The following ATAD2 variants were observed in gnomAD, a reference collection of about 807,000 sequenced individuals.
ATAD2 encodes ATPase family AAA domain containing 2, also known as ATPase family AAA domain-containing protein 2.
In ATAD2, 62 loss-of-function variants were observed where a neutral mutation model predicts 168.9. The ratio of observed to expected loss-of-function variants is 0.37; its 90% CI spans 0.30 to 0.45. ATAD2 has a LOEUF of 0.45. Ranked by LOEUF, ATAD2 falls within the 20% of genes least tolerant of loss-of-function variation. ATAD2 has a pLI of 1.00. For synonymous variants in ATAD2, 613 were observed against 571.6 expected (o/e 1.07, Z -1.03); for missense variants, 1,419 against 1,667.8 (o/e 0.85, Z 2.60).
At chr8:123,397,430 T>C (rs980201830), upstream of ATAD2, among the ~76,000 whole-genome samples, 1 of 152,180 alleles carries the variant, frequency 6.6e-6, no homozygotes, top group African/African-American at 2.4e-5. Context: ...GAGCCGTGCT[T>C]GCACATAATA....
intron 27 of ATAD2, among the ~76,000 whole-genome samples, chr8:123,321,586 G>A (rs751397675): frequency 2.0e-5 from 3 of 151,810 alleles, no homozygotes; most frequent in Non-Finnish European, 4.4e-5. Flanking sequence ...GCATATGTAA[G>A]TAATATCTTT....
At chr8:123,335,802 C>T (rs1250631719) in intron 22 of ATAD2, among the ~76,000 whole-genome samples, 2 of 151,930 alleles carry the variant, frequency 1.3e-5, no homozygotes, top group Non-Finnish European at 2.9e-5. Flanking sequence ...ATTGTACCCA[C>T]TAAATTTTAT....
At chr8:123,321,939 T>G (rs1178754121) in intron 27 of ATAD2, among the ~76,000 whole-genome samples, 1 of 151,776 alleles carries the variant, frequency 6.6e-6, no homozygotes, top group African/African-American at 2.4e-5. Flanking sequence ...ATTAATGCTC[T>G]AATTAACACT....
chr8:123,409,905 C>T (rs1813127125), intron 1 of ATAD2, among the ~76,000 whole-genome samples: 2 of 137,048 alleles, frequency 1.5e-5, no homozygotes, highest in Non-Finnish European at 3.0e-5. Context: ...CACTAGACTC[C>T]AGCCTGGGTG....
intron 17 of ATAD2, 89 bp downstream of exon 17, chr8:123,346,529 G>A (rs1404924602): frequency 5.6e-6 from 7 of 1,255,540 alleles, no homozygotes; most frequent in Non-Finnish European, 6.4e-6. Flanking sequence ...AAGCAGATTG[G>A]TTAGCACTTT....
intron 8 of ATAD2, 41 bp from the exon 9 acceptor site, chr8:123,361,687 C>T (rs1455485357): frequency 2.6e-6 from 4 of 1,511,906 alleles, no homozygotes; most frequent in Non-Finnish European, 3.6e-6. Context: ...TAAGGAAGGG[C>T]AGGAAAAAGA....
rs1335114836 is a variant in ATAD2 at position 123,377,091 on chromosome 8, C to A, written c.320+3438G>T. ...GGGCAAAAAGAGTGAGACTCCGTCT[C>A]AAAAAAAAAAAAAAAAAAAAAGAGC... On this transcript the variant is annotated intron_variant, in intron 2 of 27. Transcript: ENST00000287394. Among the ~76,000 whole-genome samples, 60 of 27,250 alleles carry A rather than the reference C, an allele frequency of 2.2e-3. 1 individual carries two copies. The highest frequency in any genetic ancestry group is 8.6e-3 in the African/African-American group (50 of 5,798). 17.9% of individuals were successfully genotyped at this position (27,250 alleles called of 152,430 possible).
At chr8:123,373,623 C>T (rs1829215680) in intron 2 of ATAD2, among the ~76,000 whole-genome samples, 1 of 151,772 alleles carries the variant, frequency 6.6e-6, no homozygotes, top group Non-Finnish European at 1.5e-5. Context: ...CCCGTCTCTA[C>T]TACAAATACA....
chr8:123,363,526 C>A (rs989880210), intron 8 of ATAD2, among the ~76,000 whole-genome samples: 37 of 152,154 alleles, frequency 2.4e-4, no homozygotes, highest in African/African-American at 8.2e-4. Context: ...TAATCTTTCA[C>A]CCATCCACCT....
chr8:123,377,970 T>C (rs540725507), intron 2 of ATAD2, among the ~76,000 whole-genome samples: 4 of 152,346 alleles, frequency 2.6e-5, no homozygotes, highest in South Asian at 4.1e-4. Flanking sequence ...CCTAAAATGC[T>C]TATTTTTTTC....
At chr8:123,366,645 T>G (rs971752805) in intron 8 of ATAD2, among the ~76,000 whole-genome samples, 2 of 152,210 alleles carry the variant, frequency 1.3e-5, no homozygotes, top group Non-Finnish European at 2.9e-5. Flanking sequence ...AAACATCGTA[T>G]GTTCCATGTG....
chr8:123,320,273 A>G lies in ATAD2; in HGVS notation c.*861T>C, dbSNP rs2131263413. On this transcript the variant is annotated 3_prime_UTR_variant, in exon 28 of 28. Coordinates refer to ENST00000287394, the MANE Select transcript of ATAD2 (RefSeq NM_014109.4). The stretch of plus-strand genomic sequence containing the variant: ...CTCCCCAAAAGCAAGTATGCATGGA[A>G]GTGCATGCTTTTAACCTTAAGAAAT... The G allele has an allele frequency of 6.6e-6, 1 of 152,106 alleles. No individual in the cohort carries two copies. The highest frequency in any genetic ancestry group is 1.5e-5 in the Non-Finnish European group (1 of 67,966). 9.4% of individuals were successfully genotyped at this position (152,106 alleles called of 1,614,324 possible).
chr8:123,361,413 A>G (rs1405553568), intron 9 of ATAD2, 126 bp downstream of exon 9: 11 of 622,024 alleles, frequency 1.8e-5, no homozygotes, highest in Non-Finnish European at 3.2e-5. Context: ...ATTCTAGTTT[A>G]TACATTAACC....
At chr8:123,344,170 C>CA (rs1314228943) in intron 19 of ATAD2, among the ~76,000 whole-genome samples, 2 of 151,936 alleles carry the variant, frequency 1.3e-5, no homozygotes, top group East Asian at 1.9e-4. Flanking sequence ...GGAAAACAAC[C>CA]AAAAAACCTA....
At chr8:123,413,937 A>G (rs565091568) in intron 1 of ATAD2, among the ~76,000 whole-genome samples, 2 of 151,918 alleles carry the variant, frequency 1.3e-5, no homozygotes, top group Admixed American at 6.6e-5. Context: ...AGATCACTTG[A>G]GGTCAGGAAT....
chr8:123,386,686 A>C (rs1208772710), intron 1 of ATAD2, among the ~76,000 whole-genome samples: 1 of 152,182 alleles, frequency 6.6e-6, no homozygotes, highest in Non-Finnish European at 1.5e-5. Context: ...TTGGTACATT[A>C]AAAAAGAAAA....
chr8:123,339,951 G>A (rs1032331347), intron 19 of ATAD2, among the ~76,000 whole-genome samples: 1 of 151,708 alleles, frequency 6.6e-6, no homozygotes, highest in African/African-American at 2.4e-5. Context: ...GGATTGCAGT[G>A]GCACAATCAT....
At chr8:123,401,781 T>C in intron 1 of ATAD2, 1 of 750,582 alleles carries the variant, frequency 1.3e-6, no homozygotes, top group Admixed American at 1.8e-5. Context: ...TCAGATGGGG[T>C]GCGGCTCAAG....
At chr8:123,388,408 G>A (rs1056564203) in intron 1 of ATAD2, among the ~76,000 whole-genome samples, 6 of 151,986 alleles carry the variant, frequency 3.9e-5, no homozygotes, top group South Asian at 4.2e-4. Flanking sequence ...ATTTTGAGAC[G>A]GAGTCTTGCT....
Sources: gnomAD v4.1 joint callset for allele counts (sites outside exome capture counted in the v4.1 genomes callset) on GRCh38, gnomAD v4.1.1 for gene constraint, MANE v1.5 for transcripts, NCBI Gene and HGNC (gene_info 2026-07-23, HGNC 2026-07-21) for gene names.